PCDH9: variants seen among roughly 807,000 people sequenced by gnomAD.
PCDH9 encodes protocadherin 9.
In PCDH9, 24 loss-of-function variants were observed where a neutral mutation model predicts 70.6. That is an observed-to-expected ratio of 0.34 (90% CI 0.25 to 0.48). The LOEUF is 0.48. Among genes scored for constraint, PCDH9 ranks in the 20% least tolerant of loss-of-function variants. The pLI is 0.99. For synonymous variants in PCDH9, 562 were observed against 558.5 expected (o/e 1.01, Z -0.09); for missense variants, 1,281 against 1,503.6 (o/e 0.85, Z 2.45).
At chr13:66,959,264 G>A (rs1249047931) in intron 2 of PCDH9, among the ~76,000 whole-genome samples, 3 of 151,912 alleles carry the variant, frequency 2.0e-5, no homozygotes, top group African/African-American at 7.3e-5. Context: ...TTTGATAGCA[G>A]GTACAATAAG....
intron 2 of PCDH9, among the ~76,000 whole-genome samples, chr13:66,991,688 G>A (rs908999304): frequency 6.6e-6 from 1 of 152,042 alleles, no homozygotes; most frequent in Non-Finnish European, 1.5e-5. Flanking sequence ...TGAAGTTGAT[G>A]TGAAAACAAA....
chr13:66,847,071 A>G (rs1387132265), intron 3 of PCDH9, among the ~76,000 whole-genome samples: 2 of 152,198 alleles, frequency 1.3e-5, no homozygotes, highest in Admixed American at 1.3e-4. Flanking sequence ...ATATGTCTAA[A>G]TAACACATCT....
chr13:67,110,474 A>G (rs1383119752), intron 2 of PCDH9, among the ~76,000 whole-genome samples: 2 of 139,384 alleles, frequency 1.4e-5, no homozygotes, highest in African/African-American at 2.7e-5. Flanking sequence ...AGATCGTGCC[A>G]CTGCACTTCA....
chr13:66,310,040 T>C (rs1203909415), intron 4 of PCDH9, among the ~76,000 whole-genome samples: 1 of 152,032 alleles, frequency 6.6e-6, no homozygotes, highest in Non-Finnish European at 1.5e-5. Context: ...TTTTAAACAC[T>C]GAAACATTTA....
chr13:66,806,712 T>G (rs1264849459), intron 3 of PCDH9, among the ~76,000 whole-genome samples: 3 of 152,180 alleles, frequency 2.0e-5, no homozygotes, highest in African/African-American at 7.2e-5. Flanking sequence ...TATGTAAAAT[T>G]GGGATAATAA....
intron 2 of PCDH9, among the ~76,000 whole-genome samples, chr13:67,195,499 G>A (rs1291232470): frequency 2.0e-5 from 3 of 152,042 alleles, no homozygotes; most frequent in Non-Finnish European, 4.4e-5. Flanking sequence ...CCAAAGGATG[G>A]AAATACCAGT....
intron 4 of PCDH9, among the ~76,000 whole-genome samples, chr13:66,308,305 A>G (rs778690545): frequency 2.6e-5 from 4 of 152,058 alleles, no homozygotes; most frequent in Non-Finnish European, 5.9e-5. Context: ...GCAAAACATG[A>G]GTTTGTTTTC....
intron 4 of PCDH9, among the ~76,000 whole-genome samples, chr13:66,504,354 T>G (rs890402387): frequency 6.6e-6 from 1 of 152,222 alleles, no homozygotes; most frequent in African/African-American, 2.4e-5. Context: ...ACAATATTTC[T>G]TTCAGTTTCT....
chr13:66,307,631 G>A (rs1955490928), intron 4 of PCDH9, among the ~76,000 whole-genome samples: 1 of 151,884 alleles, frequency 6.6e-6, no homozygotes, highest in African/African-American at 2.4e-5. Context: ...CATTTCCAGC[G>A]TCATTAATAA....
intron 4 of PCDH9, among the ~76,000 whole-genome samples, chr13:66,517,380 C>A (rs985931728): frequency 6.6e-6 from 1 of 152,076 alleles, no homozygotes; most frequent in Non-Finnish European, 1.5e-5. Context: ...GAATGCTACA[C>A]ATTTGGGTTG....
intron 4 of PCDH9, among the ~76,000 whole-genome samples, chr13:66,481,456 A>G (rs1393457748): frequency 6.6e-6 from 1 of 152,236 alleles, no homozygotes; most frequent in Non-Finnish European, 1.5e-5. Context: ...TTTTCTAGCT[A>G]TAAAGTATTC....
intron 2 of PCDH9, among the ~76,000 whole-genome samples, chr13:67,032,063 C>A (rs2084918131): frequency 6.6e-6 from 1 of 152,236 alleles, no homozygotes; most frequent in African/African-American, 2.4e-5. Context: ...CAATTAGCTA[C>A]TGAGCTTCCA....
At chr13:67,015,138 C>A (rs746435194) in intron 2 of PCDH9, among the ~76,000 whole-genome samples, 1 of 152,082 alleles carries the variant, frequency 6.6e-6, no homozygotes, top group African/African-American at 2.4e-5. Context: ...CATTTACCAC[C>A]TTTTCCCACT....
At chr13:67,135,572 T>C (rs1158747631) in intron 2 of PCDH9, among the ~76,000 whole-genome samples, 2 of 152,120 alleles carry the variant, frequency 1.3e-5, no homozygotes, top group Non-Finnish European at 2.9e-5. Flanking sequence ...AACGGTAATT[T>C]CACGGTAAGA....
chr13:66,571,417 A>G (rs1593701115), intron 4 of PCDH9, among the ~76,000 whole-genome samples: 1 of 152,212 alleles, frequency 6.6e-6, no homozygotes, highest in East Asian at 1.9e-4. Context: ...ATGGAAAATT[A>G]TAATGGCCAT....
chr13:66,939,182 T>C (rs1184821349), intron 2 of PCDH9, among the ~76,000 whole-genome samples: 1 of 152,094 alleles, frequency 6.6e-6, no homozygotes, highest in Non-Finnish European at 1.5e-5. Context: ...AAAATCAAAA[T>C]ATCACTGTCA....
intron 4 of PCDH9, among the ~76,000 whole-genome samples, chr13:66,454,208 G>C (rs556946410): frequency 5.9e-5 from 9 of 151,556 alleles, no homozygotes; most frequent in African/African-American, 2.2e-4. Context: ...CTTGTGAGTA[G>C]TTAGAAAAAA....
At chr13:66,651,890 A>G (rs1184323799) in intron 3 of PCDH9, among the ~76,000 whole-genome samples, 1 of 152,096 alleles carries the variant, frequency 6.6e-6, no homozygotes, top group African/African-American at 2.4e-5. Flanking sequence ...CATCATCTCA[A>G]GAGAATGAAG....
chr13:66,457,308 C>A (rs1017190482), intron 4 of PCDH9, among the ~76,000 whole-genome samples: 18 of 151,990 alleles, frequency 1.2e-4, no homozygotes, highest in African/African-American at 4.1e-4. Context: ...ACATGTGAGG[C>A]TTCAATATGT....
Sources: gnomAD v4.1 joint callset for allele counts (sites outside exome capture counted in the v4.1 genomes callset) on GRCh38, gnomAD v4.1.1 for gene constraint, MANE v1.5 for transcripts, NCBI Gene and HGNC (gene_info 2026-07-23, HGNC 2026-07-21) for gene names.